Variants in CRLF3 observed in about 807,000 individuals in gnomAD.
CRLF3 encodes cytokine receptor-like factor 3.
In CRLF3, 33 loss-of-function variants were observed where a neutral mutation model predicts 55.0. The ratio of observed to expected loss-of-function variants is 0.60; its 90% CI spans 0.46 to 0.80. The LOEUF (loss-of-function observed/expected upper bound fraction) is 0.80. CRLF3 is among the 30% of genes least tolerant of loss of function. The pLI, the probability that CRLF3 is intolerant of heterozygous loss-of-function variation, is 0.00. For missense variants in CRLF3, 494 were observed against 538.4 expected (o/e 0.92, Z 0.82); for synonymous variants, 238 against 196.8 (o/e 1.21, Z -1.75).
intron 2 of CRLF3, among the ~76,000 whole-genome samples, chr17:30,798,828 G>A (rs890419961): frequency 6.6e-6 from 1 of 150,604 alleles, no homozygotes; most frequent in African/African-American, 2.4e-5. Context: ...AACAGTGTGA[G>A]ACTCTGTCTC....
intron 2 of CRLF3, 141 bp downstream of exon 2, chr17:30,803,760 T>A (rs563409583): frequency 7.2e-6 from 5 of 695,086 alleles, no homozygotes; most frequent in Non-Finnish European, 1.0e-5. Context: ...CCTGCCATGA[T>A]TGTGAGGCCT....
intron 1 of CRLF3, among the ~76,000 whole-genome samples, chr17:30,805,295 AAG>A (rs1904361457): frequency 6.6e-6 from 1 of 152,206 alleles, no homozygotes; most frequent in African/African-American, 2.4e-5. Flanking sequence ...TCGCTAAAAA[AAG>A]TTATAAATTA....
intron 7 of CRLF3, among the ~76,000 whole-genome samples, chr17:30,785,326 T>A (rs1330004062): frequency 1.3e-5 from 2 of 151,892 alleles, no homozygotes; most frequent in East Asian, 3.9e-4. Context: ...TTGCCCGCCT[T>A]GGCCTCCCAA....
At chr17:30,800,734 G>A (rs1971994102) in intron 2 of CRLF3, among the ~76,000 whole-genome samples, 1 of 150,486 alleles carries the variant, frequency 6.6e-6, no homozygotes, top group South Asian at 2.1e-4. Flanking sequence ...AGCCTCCTGA[G>A]TAGTTGGGAC....
chr17:30,810,090 T>C (rs1303295503), intron 1 of CRLF3: 1 of 152,222 alleles, frequency 6.6e-6, no homozygotes, highest in African/African-American at 2.4e-5. Context: ...CTTCAAATGC[T>C]ACCTAGTCAT....
intron 1 of CRLF3, among the ~76,000 whole-genome samples, chr17:30,806,667 A>G (rs113756428): frequency 8.5e-5 from 13 of 152,192 alleles, no homozygotes; most frequent in African/African-American, 3.1e-4. Flanking sequence ...TTCTTCTTTT[A>G]TTTCAGAGAC....
intron 6 of CRLF3, chr17:30,790,838 G>T (rs1262550444): frequency 6.6e-6 from 1 of 151,878 alleles, no homozygotes; most frequent in Admixed American, 6.6e-5. Context: ...GGATGGTCTC[G>T]ATCTCCTGAC....
intron 2 of CRLF3, among the ~76,000 whole-genome samples, chr17:30,797,764 G>C (rs1971941867): frequency 6.8e-6 from 1 of 146,678 alleles, no homozygotes; most frequent in African/African-American, 2.6e-5. Context: ...AGGTGCAACA[G>C]GGGATAGGGT....
intron 1 of CRLF3, 110 bp from the exon 2 acceptor site, chr17:30,804,218 G>A: frequency 1.4e-6 from 1 of 702,356 alleles, no homozygotes; most frequent in Non-Finnish European, 2.4e-6. Context: ...CTTCAATTTA[G>A]TAAAAAAAAG....
chr17:30,793,202 A>G (rs187717079), intron 5 of CRLF3, among the ~76,000 whole-genome samples: 49 of 152,168 alleles, frequency 3.2e-4, no homozygotes, highest in South Asian at 6.2e-4. Flanking sequence ...AGTGCCCTAC[A>G]TAATATTTTC....
At chr17:30,808,239 G>T (rs1175036815) in intron 1 of CRLF3, among the ~76,000 whole-genome samples, 3 of 143,596 alleles carry the variant, frequency 2.1e-5, no homozygotes, top group African/African-American at 7.8e-5. Flanking sequence ...ATCAGAACAT[G>T]AATTTTTTTT....
At chr17:30,789,677 C>A (rs1249964732) in intron 6 of CRLF3, among the ~76,000 whole-genome samples, 1 of 152,192 alleles carries the variant, frequency 6.6e-6, no homozygotes, top group Non-Finnish European at 1.5e-5. Flanking sequence ...AATAACCCAT[C>A]TATCTCACTG....
Position 30,796,322 on chromosome 17 carries a change from A to G in CRLF3, c.441T>C (p.Pro147=). ...HIQLDSLPEV[P]LLVDVPCLSA... ...ATAAACAAGGCACATCAACCAGTAA[A>G]GGTACTTCTGGTAAGCTGAGGAAAC... Residue 147 remains proline (P), a synonymous_variant, in exon 4 of 8, where the codon CCT becomes CCC. Transcript: ENST00000324238. 6.2e-7 allele frequency: 1 copy of G among 1,613,258 alleles called. No individual in the cohort carries two copies. Among genetic ancestry groups the G allele is most frequent in the South Asian group, 1.1e-5 (1 of 90,924 alleles).
Position 30,784,177 on chromosome 17 carries a change from A to G in CRLF3, c.*10T>C. 6.2e-7 allele frequency: 1 copy of G among 1,608,920 alleles called. No homozygotes were observed. Among genetic ancestry groups the G allele is most frequent in the South Asian group, 1.1e-5 (1 of 90,498 alleles). On this transcript the variant is annotated 3_prime_UTR_variant, in exon 8 of 8. Coordinates refer to ENST00000324238, the MANE Select transcript of CRLF3 (RefSeq NM_015986.4). ...TAGACCCTGAAAACCAAAGCCAAGC[A>G]CCCAAACATCTAAAACACTAACACT...
At chr17:30,802,360 T>C (rs769360921) in intron 2 of CRLF3, among the ~76,000 whole-genome samples, 10 of 152,128 alleles carry the variant, frequency 6.6e-5, no homozygotes, top group Non-Finnish European at 1.5e-4. Flanking sequence ...GACCTGATGA[T>C]CCGCCCACCT....
rs866918072 is a variant in CRLF3 at position 30,783,598 on chromosome 17, C to G, written c.*589G>C. On this transcript the variant is annotated 3_prime_UTR_variant, in exon 8 of 8. Coordinates refer to ENST00000324238, the MANE Select transcript of CRLF3 (RefSeq NM_015986.4). The stretch of plus-strand genomic sequence containing the variant: ...CACCACTGCACTCCAGCCTGAGTGA[C>G]AAGAGTGAGACTCCGTCTCAACAAA... 6.6e-6 allele frequency: 1 copy of G among 152,080 alleles called. No individual in the cohort carries two copies. Among genetic ancestry groups the G allele is most frequent in the Non-Finnish European group, 1.5e-5 (1 of 68,102 alleles). 9.4% of individuals were successfully genotyped at this position (152,080 alleles called of 1,614,324 possible).
At chr17:30,803,032 G>A (rs1281322798) in intron 2 of CRLF3, among the ~76,000 whole-genome samples, 2 of 151,662 alleles carry the variant, frequency 1.3e-5, no homozygotes, top group Non-Finnish European at 2.9e-5. Context: ...AGGCATGGTG[G>A]GACGCGCCTG....
chr17:30,820,455 G>A (rs1166203132), intron 1 of CRLF3, among the ~76,000 whole-genome samples: 2 of 152,068 alleles, frequency 1.3e-5, no homozygotes, highest in African/African-American at 2.4e-5. Flanking sequence ...TTGGGAGGCC[G>A]AGGCAAGAGG....
chr17:30,798,873 A>C (rs1971962766), intron 2 of CRLF3, among the ~76,000 whole-genome samples: 1 of 151,908 alleles, frequency 6.6e-6, no homozygotes. Flanking sequence ...AATCCTCAAA[A>C]TTCCATAAGT....
Sources: allele counts gnomAD v4.1 joint callset (sites outside exome capture counted in the v4.1 genomes callset), GRCh38; gene constraint gnomAD v4.1.1; transcripts MANE v1.5; gene names NCBI Gene and HGNC (gene_info 2026-07-23, HGNC 2026-07-21).